Variants in CEP112 observed in about 807,000 individuals in gnomAD.
The protein encoded by CEP112 is centrosomal protein of 112 kDa.
A neutral mutation model predicts 153.0 loss-of-function variants in CEP112; 127 were observed. The ratio of observed to expected loss-of-function variants is 0.83; its 90% CI spans 0.72 to 0.96. The LOEUF (loss-of-function observed/expected upper bound fraction) is 0.96, where lower values mean the gene tolerates loss of function less well. CEP112 is among the 40% of genes least tolerant of loss of function. The pLI is 0.00. For synonymous variants in CEP112, 358 were observed against 374.4 expected, an observed-to-expected ratio of 0.96 and a Z score of 0.51; for missense variants, 1,089 against 1,101.2, an observed-to-expected ratio of 0.99 and a Z score of 0.16.
intron 24 of CEP112, among the ~76,000 whole-genome samples, chr17:65,658,923 G>A (rs2066700364): frequency 7.3e-6 from 1 of 137,912 alleles, no homozygotes; most frequent in South Asian, 2.3e-4. Flanking sequence ...CAAGATCAAG[G>A]AAAATAAGCA....
At chr17:65,662,153 G>A (rs1484627229) in intron 24 of CEP112, among the ~76,000 whole-genome samples, 1 of 152,092 alleles carries the variant, frequency 6.6e-6, no homozygotes, top group Non-Finnish European at 1.5e-5. Flanking sequence ...ATTTTTTGTA[G>A]AGACTGGGTT....
intron 19 of CEP112, among the ~76,000 whole-genome samples, chr17:65,919,376 A>G (rs2060619034): frequency 6.6e-6 from 1 of 152,162 alleles, no homozygotes; most frequent in South Asian, 2.1e-4. Context: ...TTGGAGAAGC[A>G]AGGGCCCAGA....
intron 21 of CEP112, among the ~76,000 whole-genome samples, chr17:65,769,276 CAAAG>C (rs1197671638): frequency 6.6e-6 from 1 of 151,792 alleles, no homozygotes; most frequent in Non-Finnish European, 1.5e-5. Flanking sequence ...GAAGAGGACA[CAAAG>C]AAATAAGATA....
At chr17:65,851,284 T>C (rs2057920514) in intron 21 of CEP112, among the ~76,000 whole-genome samples, 1 of 152,220 alleles carries the variant, frequency 6.6e-6, no homozygotes, top group African/African-American at 2.4e-5. Context: ...TCAAAATGTG[T>C]AAACATTATA....
At chr17:65,965,770 G>C (rs151027767) in intron 17 of CEP112, among the ~76,000 whole-genome samples, 1 of 151,904 alleles carries the variant, frequency 6.6e-6, no homozygotes, top group Admixed American at 6.6e-5. Context: ...GATCCACCCC[G>C]GTCTCCTAAA....
chr17:65,845,007 G>C (rs2057674023), intron 21 of CEP112, among the ~76,000 whole-genome samples: 1 of 147,248 alleles, frequency 6.8e-6, no homozygotes. Context: ...ACAAGACTCT[G>C]TCTCAAAAAA....
chr17:66,077,411 T>C (rs774030303), intron 8 of CEP112, among the ~76,000 whole-genome samples: 1 of 152,076 alleles, frequency 6.6e-6, no homozygotes, highest in East Asian at 1.9e-4. Flanking sequence ...TGCAAAATGC[T>C]CTGCAAAGTC....
At chr17:65,683,272 G>A (rs75028532) in intron 24 of CEP112, among the ~76,000 whole-genome samples, 216 of 152,306 alleles carry the variant, frequency 1.4e-3, no homozygotes, top group African/African-American at 5.0e-3. Context: ...ATATGAAGTT[G>A]GTTGCTGCAA....
chr17:65,877,254 G>A (rs935285392), intron 20 of CEP112, among the ~76,000 whole-genome samples: 22 of 152,366 alleles, frequency 1.4e-4, no homozygotes, highest in African/African-American at 5.3e-4. Flanking sequence ...AGTACAGGAA[G>A]AGGCAGGAAG....
At chr17:65,654,144 G>A (rs1163157167) in intron 24 of CEP112, among the ~76,000 whole-genome samples, 1 of 150,420 alleles carries the variant, frequency 6.6e-6, no homozygotes, top group African/African-American at 2.4e-5. Context: ...GTACAGGTGA[G>A]AAAATGTACC....
intron 12 of CEP112, among the ~76,000 whole-genome samples, chr17:66,047,737 C>G (rs2066273184): frequency 6.6e-6 from 1 of 152,088 alleles, no homozygotes; most frequent in Non-Finnish European, 1.5e-5. Flanking sequence ...TTTTCTACAG[C>G]AGAAATATAA....
At chr17:66,014,987 C>T (rs187926158) in intron 16 of CEP112, among the ~76,000 whole-genome samples, 1 of 152,338 alleles carries the variant, frequency 6.6e-6, no homozygotes, top group East Asian at 1.9e-4. Context: ...GGTGCCTGAT[C>T]ACTTAATGTG....
chr17:66,159,369 A>C (rs2071594336), intron 4 of CEP112, among the ~76,000 whole-genome samples: 1 of 152,198 alleles, frequency 6.6e-6, no homozygotes, highest in African/African-American at 2.4e-5. Flanking sequence ...AGTTATCCTG[A>C]TACCAAAACC....
chr17:66,022,685 G>A (rs1207488615), intron 16 of CEP112, among the ~76,000 whole-genome samples: 1 of 136,284 alleles, frequency 7.3e-6, no homozygotes, highest in Admixed American at 8.1e-5. Flanking sequence ...CTCCAGCCTG[G>A]ATGACAGAAC....
At chr17:66,036,441 A>G (rs2145789983) in intron 12 of CEP112, among the ~76,000 whole-genome samples, 1 of 152,286 alleles carries the variant, frequency 6.6e-6, no homozygotes, top group Middle Eastern at 3.4e-3. Context: ...ATACATGTAA[A>G]ATTCTTGCCC....
chr17:65,729,093 GATA>G (rs1464321941), intron 23 of CEP112, among the ~76,000 whole-genome samples: 5 of 152,052 alleles, frequency 3.3e-5, no homozygotes, highest in African/African-American at 4.8e-5. Context: ...TTATTTGACA[GATA>G]ATAATTGTAC....
rs2060974197 is a variant in CEP112, at chr17:65,927,593, A to T, written c.1969T>A (p.Tyr657Asn). The T allele has an allele frequency of 1.3e-6, 2 of 1,589,536 alleles. No individual in the cohort carries two copies. The highest frequency in any genetic ancestry group is 8.5e-7 in the Non-Finnish European group (1 of 1,170,100). The change falls in exon 19 of 27, where the codon TAT (tyrosine) becomes AAT (asparagine). Residue 657 changes from tyrosine to asparagine, a missense_variant. Transcript: ENST00000535342. ...LWQLEDIRQR[Y>N]EQQIVELKLE... ...AATGAAAGACCAACCTGTTGTTCAT[A>T]CCGCTGTCTGATGTCCTCCAGTTGC...
intron 21 of CEP112, among the ~76,000 whole-genome samples, chr17:65,781,072 A>G (rs528102703): frequency 7.9e-5 from 12 of 152,114 alleles, no homozygotes; most frequent in Non-Finnish European, 1.8e-4. Context: ...CAAAAGCTCT[A>G]TTTCCTATAC....
chr17:66,185,786 G>A (rs544784907), intron 1 of CEP112, among the ~76,000 whole-genome samples: 4 of 152,152 alleles, frequency 2.6e-5, no homozygotes, highest in African/African-American at 7.2e-5. Flanking sequence ...TTCTATATTC[G>A]GTGAAAAGCT....
Sources: allele counts gnomAD v4.1 joint callset (sites outside exome capture counted in the v4.1 genomes callset), GRCh38; gene constraint gnomAD v4.1.1; transcripts MANE v1.5; gene names NCBI Gene and HGNC (gene_info 2026-07-23, HGNC 2026-07-21).